LRRC49: variants seen among roughly 807,000 people sequenced by gnomAD.
LRRC49 encodes leucine rich repeat containing 49, also known as leucine-rich repeat-containing protein 49.
A neutral mutation model predicts 83.3 loss-of-function variants in LRRC49; 50 were observed. That is an observed-to-expected ratio of 0.60 (90% CI 0.48 to 0.76). The LOEUF (loss-of-function observed/expected upper bound fraction) is 0.76. Among genes scored for constraint, LRRC49 ranks in the 30% least tolerant of loss-of-function variants. The pLI is 0.00. For missense variants in LRRC49, 704 were observed against 809.1 expected, an observed-to-expected ratio of 0.87 and a Z score of 1.58; for synonymous variants, 286 against 283.3, an observed-to-expected ratio of 1.01 and a Z score of -0.10.
intron 1 of LRRC49, among the ~76,000 whole-genome samples, chr15:70,867,463 G>A (rs2032937709): frequency 1.3e-5 from 2 of 152,122 alleles, no homozygotes; most frequent in Admixed American, 6.5e-5. Flanking sequence ...CTGTGTTCTT[G>A]GCCTATGACC....
intron 15 of LRRC49, among the ~76,000 whole-genome samples, chr15:71,039,100 A>G (rs1001315365): frequency 2.6e-5 from 4 of 152,200 alleles, no homozygotes; most frequent in African/African-American, 9.6e-5. Context: ...ATATAGCTAT[A>G]TTAAAAAGGG....
chr15:71,049,380 A>G, intron 15 of LRRC49, 29 bp from the exon 16 acceptor site: 2 of 1,426,454 alleles, frequency 1.4e-6, no homozygotes, highest in Non-Finnish European at 9.7e-7. Flanking sequence ...GTTATGATTT[A>G]ATACAAAACT....
chr15:70,883,936 G>A (rs1009389550), intron 2 of LRRC49, among the ~76,000 whole-genome samples: 6 of 152,200 alleles, frequency 3.9e-5, no homozygotes, highest in Admixed American at 1.3e-4. Context: ...GATTACAGGC[G>A]TGTGCTATTG....
At chr15:70,932,927 A>C (rs1381968049) in intron 7 of LRRC49, among the ~76,000 whole-genome samples, 2 of 151,748 alleles carry the variant, frequency 1.3e-5, no homozygotes, top group Non-Finnish European at 2.9e-5. Flanking sequence ...ATGGGGTTTC[A>C]CCACACTGGT....
Position 70,933,026 on chromosome 15 carries a change from G to T in LRRC49, c.712-3735G>T, listed in dbSNP as rs954256511. ...TTACAGGCACAAGCCACCACACCTG[G>T]CCATTTAGTTCTTTTATGCAGTTTA... On this transcript the variant is annotated intron_variant, in intron 7 of 15. Transcript: ENST00000260382. Among the ~76,000 whole-genome samples, 22 of 152,120 alleles carry T rather than the reference G, an allele frequency of 1.4e-4. 1 individual carries two copies. The highest frequency in any genetic ancestry group is 4.6e-4 in the African/African-American group (19 of 41,506).
chr15:70,874,200 T>C (rs1026187090), intron 2 of LRRC49, among the ~76,000 whole-genome samples: 5 of 152,208 alleles, frequency 3.3e-5, no homozygotes, highest in Admixed American at 6.5e-5. Flanking sequence ...TCTGGGATCC[T>C]TCTGTTCTGA....
chr15:70,911,220 A>G, intron 5 of LRRC49, among the ~76,000 whole-genome samples: 1 of 152,212 alleles, frequency 6.6e-6, no homozygotes, highest in African/African-American at 2.4e-5. Flanking sequence ...CCTTGTAGGC[A>G]GAAGTAAGGA....
intron 14 of LRRC49, among the ~76,000 whole-genome samples, chr15:71,021,537 A>T (rs2038995021): frequency 1.3e-5 from 2 of 152,270 alleles, no homozygotes; most frequent in Non-Finnish European, 2.9e-5. Flanking sequence ...ACTGTGTGAC[A>T]AACACCCCAA....
chr15:70,943,341 C>A (rs1050841598), intron 8 of LRRC49, among the ~76,000 whole-genome samples: 8 of 151,976 alleles, frequency 5.3e-5, no homozygotes, highest in African/African-American at 1.7e-4. Context: ...AAAGGAGAGA[C>A]CAAGGCAAGT....
intron 15 of LRRC49, among the ~76,000 whole-genome samples, chr15:71,040,774 T>G (rs974971632): frequency 1.5e-4 from 21 of 144,008 alleles, no homozygotes; most frequent in Non-Finnish European, 3.0e-4. Context: ...GAGCCGAGAT[T>G]GCGCCACTGT....
chr15:71,017,712 G>C (rs1202319730), intron 14 of LRRC49, among the ~76,000 whole-genome samples: 2 of 152,126 alleles, frequency 1.3e-5, no homozygotes, highest in Admixed American at 1.3e-4. Flanking sequence ...TAATATCAAT[G>C]ACTTATTAGT....
chr15:70,943,397 T>G (rs2035892741), intron 8 of LRRC49, among the ~76,000 whole-genome samples: 1 of 152,134 alleles, frequency 6.6e-6, no homozygotes, highest in Admixed American at 6.5e-5. Flanking sequence ...AGGGCAGGAA[T>G]GAAAGGGAGT....
At chr15:71,019,989 C>G (rs572110289) in intron 14 of LRRC49, among the ~76,000 whole-genome samples, 1 of 152,124 alleles carries the variant, frequency 6.6e-6, no homozygotes, top group East Asian at 1.9e-4. Context: ...ATTACAGAAA[C>G]AGACCCATGA....
chr15:70,863,170 C>A (rs571962497), intron 1 of LRRC49, among the ~76,000 whole-genome samples: 18 of 152,198 alleles, frequency 1.2e-4, no homozygotes, highest in African/African-American at 4.3e-4. Context: ...TCAAGGACCA[C>A]GGGCATCAGA....
chr15:70,961,775 A>G (rs966213007), intron 8 of LRRC49, among the ~76,000 whole-genome samples: 5 of 152,238 alleles, frequency 3.3e-5, no homozygotes, highest in African/African-American at 4.8e-5. Flanking sequence ...GCTAAAGTAC[A>G]GCAGATTTTT....
At chr15:70,853,894 C>T (rs2032565336) in intron 1 of LRRC49, 2 of 1,314,684 alleles carry the variant, frequency 1.5e-6, no homozygotes, top group Admixed American at 3.5e-5. Flanking sequence ...CCTACCTGTG[C>T]CCGCGGCTCG....
intron 8 of LRRC49, among the ~76,000 whole-genome samples, chr15:70,948,218 A>C (rs990441043): frequency 6.6e-6 from 1 of 151,658 alleles, no homozygotes; most frequent in Non-Finnish European, 1.5e-5. Flanking sequence ...ATTCCACAGC[A>C]TGGTTCTCCT....
upstream of LRRC49, among the ~76,000 whole-genome samples, chr15:70,888,079 G>A (rs1261950899): frequency 1.3e-5 from 2 of 152,122 alleles, no homozygotes; most frequent in Non-Finnish European, 2.9e-5. Flanking sequence ...TGGATTAGAA[G>A]AGTCAATATT....
chr15:71,002,352 A>G (rs2038289738), intron 11 of LRRC49, among the ~76,000 whole-genome samples: 1 of 152,168 alleles, frequency 6.6e-6, no homozygotes, highest in Admixed American at 6.5e-5. Context: ...ACAAGTCTCT[A>G]TGAAAAAATT....
Sources: allele counts gnomAD v4.1 joint callset (sites outside exome capture counted in the v4.1 genomes callset), GRCh38; gene constraint gnomAD v4.1.1; transcripts MANE v1.5; gene names NCBI Gene and HGNC (gene_info 2026-07-23, HGNC 2026-07-21).